The following SHLD1 variants were observed in gnomAD, a reference collection of about 807,000 sequenced individuals.
SHLD1 encodes the protein shieldin complex subunit 1, also known as RINN1-REV7-interacting novel NHEJ regulator 3.
In SHLD1, 3 loss-of-function variants were observed where a neutral mutation model predicts 5.5. That is an observed-to-expected ratio of 0.54 (90% CI 0.25 to 1.40). The LOEUF is 1.40. Among genes scored for constraint, SHLD1 ranks in the 40% most tolerant of loss-of-function variants. SHLD1 has a pLI of 0.15. For missense variants in SHLD1, 210 were observed against 244.4 expected (o/e 0.86, Z 0.94); for synonymous variants, 92 against 94.3 (o/e 0.98, Z 0.14).
chr20:5,800,427 C>T (rs2087275880), intron 2 of SHLD1, among the ~76,000 whole-genome samples: 1 of 152,204 alleles, frequency 6.6e-6, no homozygotes, highest in South Asian at 2.1e-4. Context: ...GGCGTGGTGG[C>T]TCACGCCTGT....
chr20:5,826,229 A>G (rs1448165265), intron 2 of SHLD1, among the ~76,000 whole-genome samples: 1 of 152,176 alleles, frequency 6.6e-6, no homozygotes, highest in Non-Finnish European at 1.5e-5. Flanking sequence ...TTGTTGTTGA[A>G]GCTCCTGTAG....
chr20:5,773,745 G>A (rs1201851984), intron 2 of SHLD1, among the ~76,000 whole-genome samples: 1 of 152,114 alleles, frequency 6.6e-6, no homozygotes, highest in Admixed American at 6.6e-5. Context: ...ATGTGACTTG[G>A]GGCGTGTTCC....
At chr20:5,833,497 G>T (rs2087753927) in intron 2 of SHLD1, among the ~76,000 whole-genome samples, 1 of 152,088 alleles carries the variant, frequency 6.6e-6, no homozygotes, top group Non-Finnish European at 1.5e-5. Flanking sequence ...GCTCTGCCCT[G>T]GTTGAGGGCA....
At chr20:5,797,860 G>T (rs765685127) in intron 2 of SHLD1, among the ~76,000 whole-genome samples, 7 of 152,112 alleles carry the variant, frequency 4.6e-5, no homozygotes. Context: ...TACTGCTTAG[G>T]CTCTATGCCT....
At chr20:5,856,515 G>A (rs886502066) in intron 2 of SHLD1, among the ~76,000 whole-genome samples, 4 of 120,066 alleles carry the variant, frequency 3.3e-5, no homozygotes, top group African/African-American at 7.0e-5. Context: ...CGTGGAGCAG[G>A]AAGATGCAGA....
At chr20:5,856,654 A>C (rs1422965953) in intron 2 of SHLD1, among the ~76,000 whole-genome samples, 2 of 152,250 alleles carry the variant, frequency 1.3e-5, no homozygotes, top group Non-Finnish European at 2.9e-5. Context: ...ATAGTGCATC[A>C]AGAGTTGCTG....
chr20:5,769,842 A>G (rs540058674), intron 1 of SHLD1, among the ~76,000 whole-genome samples: 1 of 152,132 alleles, frequency 6.6e-6, no homozygotes, highest in South Asian at 2.1e-4. Context: ...CGTCTCTACT[A>G]AAAATACAAA....
intron 2 of SHLD1, among the ~76,000 whole-genome samples, chr20:5,820,160 C>T (rs1212171892): frequency 1.3e-5 from 2 of 152,122 alleles, no homozygotes; most frequent in African/African-American, 4.8e-5. Context: ...GTTGGTTGTC[C>T]AGGCTTGTCT....
intron 2 of SHLD1, among the ~76,000 whole-genome samples, chr20:5,813,978 G>T (rs1665878647): frequency 7.6e-6 from 1 of 131,130 alleles, no homozygotes; most frequent in Non-Finnish European, 1.6e-5. Flanking sequence ...TTTGAGACAG[G>T]GTCTCACTCT....
intron 1 of SHLD1, among the ~76,000 whole-genome samples, chr20:5,769,961 G>A (rs531096124): frequency 1.4e-5 from 2 of 140,136 alleles, no homozygotes; most frequent in Non-Finnish European, 3.0e-5. Flanking sequence ...CCGAGATTGT[G>A]CCATTGCACT....
At chr20:5,780,889 T>G (rs1302619096) in intron 2 of SHLD1, among the ~76,000 whole-genome samples, 1 of 152,202 alleles carries the variant, frequency 6.6e-6, no homozygotes, top group Non-Finnish European at 1.5e-5. Context: ...CCTTTTGCTA[T>G]GTGCCCAACT....
intron 2 of SHLD1, among the ~76,000 whole-genome samples, chr20:5,832,373 A>G (rs1279023084): frequency 1.3e-5 from 2 of 152,256 alleles, no homozygotes; most frequent in Non-Finnish European, 2.9e-5. Context: ...ACAAAGGTGT[A>G]ACTTGGATTA....
intron 2 of SHLD1, among the ~76,000 whole-genome samples, chr20:5,851,639 A>G (rs998437635): frequency 6.6e-6 from 1 of 151,992 alleles, no homozygotes; most frequent in Non-Finnish European, 1.5e-5. Flanking sequence ...AACCTAAACT[A>G]TTAATTTTAA....
In SHLD1 at chr20:5,764,158, T is replaced by A. The variant is rs13037302; in HGVS notation, c.-4-8704T>A. On this transcript the variant is annotated intron_variant, in intron 1 of 2. Transcript: ENST00000303142. ...AAAAAAAATATATATATATTTATAT[T>A]TATATATATATATATATTTTTATAT... 2.5e-3 allele frequency among the ~76,000 whole-genome samples: 179 copies of A among 71,966 alleles called. 3 individuals are homozygous for A. The highest frequency in any genetic ancestry group is 5.5e-3 in the African/African-American group (105 of 19,088). 47.2% of individuals were successfully genotyped at this position (71,966 alleles called of 152,430 possible). A position where few individuals can be genotyped will look rare whatever the true frequency, so the allele number is the denominator to read the frequency against.
intron 2 of SHLD1, among the ~76,000 whole-genome samples, chr20:5,792,042 A>T (rs2122307903): frequency 6.6e-6 from 1 of 152,304 alleles, no homozygotes; most frequent in South Asian, 2.1e-4. Context: ...GCCTATTTTT[A>T]AAATTGGGTT....
chr20:5,858,340 A>C (rs945906529), intron 2 of SHLD1, among the ~76,000 whole-genome samples: 1 of 152,128 alleles, frequency 6.6e-6, no homozygotes, highest in South Asian at 2.1e-4. Context: ...CCTGCTGTGC[A>C]TTTATGAACC....
At chr20:5,839,251 T>G (rs548649984) in intron 2 of SHLD1, among the ~76,000 whole-genome samples, 11 of 152,376 alleles carry the variant, frequency 7.2e-5, no homozygotes, top group African/African-American at 2.6e-4. Flanking sequence ...CTAGAAGGAT[T>G]TCTGCTCAAA....
intron 2 of SHLD1, among the ~76,000 whole-genome samples, chr20:5,826,974 G>A (rs1287069): frequency 0.19 from 27,938 of 147,504 alleles, 2,991 homozygotes; most frequent in Non-Finnish European, 0.23. Context: ...CTCCCTCTCT[G>A]CATTTGCCCC....
intron 2 of SHLD1, among the ~76,000 whole-genome samples, chr20:5,800,142 C>A (rs988087527): frequency 2.0e-5 from 3 of 152,188 alleles, no homozygotes; most frequent in Non-Finnish European, 2.9e-5. Flanking sequence ...AAGCATGATA[C>A]AATGCACAGT....
Sources: allele counts gnomAD v4.1 joint callset (sites outside exome capture counted in the v4.1 genomes callset), GRCh38; gene constraint gnomAD v4.1.1; transcripts MANE v1.5; gene names NCBI Gene and HGNC (gene_info 2026-07-23, HGNC 2026-07-21).